Variants in KIRREL3 observed in about 807,000 individuals in gnomAD.
KIRREL3 encodes kin of IRRE-like protein 3.
Under a neutral mutation model 89.7 loss-of-function variants are expected in KIRREL3, and 36 were observed. That is an observed-to-expected ratio of 0.40 (90% CI 0.31 to 0.53). The LOEUF (loss-of-function observed/expected upper bound fraction) is 0.53, where lower values mean the gene tolerates loss of function less well. Among genes scored for constraint, KIRREL3 ranks in the 20% least tolerant of loss-of-function variants. KIRREL3 has a pLI of 0.49. For missense variants in KIRREL3, 864 were observed against 1,056.6 expected (o/e 0.82, Z 2.53); for synonymous variants, 445 against 441.4 (o/e 1.01, Z -0.10).
At chr11:126,470,381 T>G (rs190657300) in intron 5 of KIRREL3, among the ~76,000 whole-genome samples, 231 of 152,324 alleles carry the variant, frequency 1.5e-3, no homozygotes, top group African/African-American at 5.2e-3. Flanking sequence ...GAGAGGCTTG[T>G]CTTCCAAGAG....
In KIRREL3 at chr11:126,614,838, A is replaced by G. The variant is rs1943277420; in HGVS notation, c.56-51926T>C. The stretch of plus-strand genomic sequence containing the variant: ...ATCAGGTCTGGGTTGGGGCAGGTAA[A>G]TCTTCCTTTCTTTGTGGGCTCATGG... On this transcript the variant is annotated intron_variant, in intron 1 of 16. Coordinates refer to ENST00000525144, the MANE Select transcript of KIRREL3 (RefSeq NM_032531.4). This position sits in a 1 kb window ranked among gnomAD's most constrained non-coding sequence, Gnocchi z 4.6. 6.6e-6 allele frequency among the ~76,000 whole-genome samples: 1 copy of G among 152,092 alleles called. No individual in the cohort carries two copies. Among genetic ancestry groups the G allele is most frequent in the Admixed American group, 6.6e-5 (1 of 15,266 alleles).
Position 126,808,449 on chromosome 11 carries a change from C to T in KIRREL3, c.55+192006G>A, listed in dbSNP as rs1201198897. On this transcript the variant is annotated intron_variant, in intron 1 of 16. Coordinates refer to ENST00000525144, the MANE Select transcript of KIRREL3 (RefSeq NM_032531.4). This position sits in a 1 kb window ranked among gnomAD's most constrained non-coding sequence, Gnocchi z 4.1. ...TAAGATGTAGAGCAGTTATTAAGGC[C>T]TTAAGATAAAGGCAGTTTTTCATGG... Among the ~76,000 whole-genome samples, 2 of 152,164 alleles carry T rather than the reference C, an allele frequency of 1.3e-5. No individual in the cohort carries two copies. The highest frequency in any genetic ancestry group is 6.5e-5 in the Admixed American group (1 of 15,284).
In KIRREL3 at chr11:126,635,763, G is replaced by T. The variant is rs637470; in HGVS notation, c.56-72851C>A. Among the ~76,000 whole-genome samples the T allele has an allele frequency of 2.0e-5, 3 of 152,192 alleles. No individual in the cohort carries two copies. The highest frequency in any genetic ancestry group is 4.4e-5 in the Non-Finnish European group (3 of 68,032). On this transcript the variant is annotated intron_variant, in intron 1 of 16. Coordinates refer to ENST00000525144, the MANE Select transcript of KIRREL3 (RefSeq NM_032531.4). The surrounding 1 kb of genome is among the most constrained non-coding windows in gnomAD (Gnocchi z 4.0). ...GGAATACCTGTTCTACTGATCTGAA[G>T]AATTGTTGTGGTAATCTGAAGAGGC...
Position 126,492,141 on chromosome 11 carries a change from G to A in KIRREL3, c.434-18675C>T, listed in dbSNP as rs944843226. 6.6e-6 allele frequency among the ~76,000 whole-genome samples: 1 copy of A among 152,192 alleles called. No individual in the cohort carries two copies. Among genetic ancestry groups the A allele is most frequent in the Non-Finnish European group, 1.5e-5 (1 of 68,040 alleles). ...ATGGACAAAAGGATAAGTTGCAGAG[G>A]GCCACCGAGGAACTGGGAGGATGAT... is the stretch of plus-strand genomic sequence containing the variant. On this transcript the variant is annotated intron_variant, in intron 4 of 16. Coordinates refer to ENST00000525144, the MANE Select transcript of KIRREL3 (RefSeq NM_032531.4). This position sits in a 1 kb window ranked among gnomAD's most constrained non-coding sequence, Gnocchi z 4.8.
intron 8 of KIRREL3, among the ~76,000 whole-genome samples, chr11:126,447,707 C>T (rs762818497): frequency 6.6e-6 from 1 of 152,174 alleles, no homozygotes; most frequent in Non-Finnish European, 1.5e-5. Context: ...AGGGTCCGAC[C>T]GTGGCCAGGC....
intron 1 of KIRREL3, among the ~76,000 whole-genome samples, chr11:126,583,860 G>A (rs1053654413): frequency 6.6e-6 from 1 of 152,200 alleles, no homozygotes; most frequent in Non-Finnish European, 1.5e-5. Flanking sequence ...AGGCAGCCAG[G>A]TAGGGAGGCT....
rs1036984258 is a variant in KIRREL3 at position 126,537,201 on chromosome 11, T to A, written c.134-10514A>T. 2.0e-5 allele frequency among the ~76,000 whole-genome samples: 3 copies of A among 152,108 alleles called. No homozygotes were observed. Among genetic ancestry groups the A allele is most frequent in the Admixed American group, 2.0e-4 (3 of 15,282 alleles). On this transcript the variant is annotated intron_variant, in intron 2 of 16. Coordinates refer to ENST00000525144, the MANE Select transcript of KIRREL3 (RefSeq NM_032531.4). The surrounding 1 kb of genome is among the most constrained non-coding windows in gnomAD (Gnocchi z 4.3). ...TTCTAAGGAGCCTGGTGCTGACACA[T>A]GCACACACCCGCCTGCATGCCTGTG...
rs879206428 is a variant in KIRREL3, at chr11:126,958,042, C to T, written c.55+42413G>A. Reference sequence around the variant, plus strand: ...AAAGCCTTACAGATTCTGATGAGGTCAGGTGGATCGAAATTGTAGCTTTGT... The same window carrying T: ...AAAGCCTTACAGATTCTGATGAGGTTAGGTGGATCGAAATTGTAGCTTTGT... On this transcript the variant is annotated intron_variant, in intron 1 of 16. Transcript: ENST00000525144. 5.9e-5 allele frequency among the ~76,000 whole-genome samples: 9 copies of T among 152,142 alleles called. 1 individual carries two copies. The highest frequency in any genetic ancestry group is 5.9e-4 in the Admixed American group (9 of 15,274).
At chr11:126,889,183 C>T (rs570177047) in intron 1 of KIRREL3, among the ~76,000 whole-genome samples, 1 of 151,946 alleles carries the variant, frequency 6.6e-6, no homozygotes, top group African/African-American at 2.4e-5. Flanking sequence ...CCAAAGTTTT[C>T]TCTTCCCCTT....
chr11:126,526,077 A>G lies in KIRREL3; in HGVS notation c.283+461T>C, dbSNP rs949550286. On this transcript the variant is annotated intron_variant, in intron 3 of 16. Transcript: ENST00000525144. This position sits in a 1 kb window ranked among gnomAD's most constrained non-coding sequence, Gnocchi z 5.7. ...CATCTCATGATGGCTCCTAAGATCAACTAGGTGTCTTTGTGAGTTTTCAGT... is the reference window on the plus strand; with the variant it reads ...CATCTCATGATGGCTCCTAAGATCAGCTAGGTGTCTTTGTGAGTTTTCAGT... 6.6e-6 allele frequency among the ~76,000 whole-genome samples: 1 copy of G among 152,202 alleles called. No homozygotes were observed. The highest frequency in any genetic ancestry group is 2.4e-5 in the African/African-American group (1 of 41,454).
intron 1 of KIRREL3, among the ~76,000 whole-genome samples, chr11:126,757,757 T>C (rs560453215): frequency 8.5e-5 from 13 of 152,106 alleles, no homozygotes; most frequent in Non-Finnish European, 1.9e-4. Flanking sequence ...AAGAGTCTAC[T>C]GTTCTTTTAA....
chr11:126,832,145 C>T (rs1943628831), intron 1 of KIRREL3, among the ~76,000 whole-genome samples: 4 of 151,980 alleles, frequency 2.6e-5, no homozygotes, highest in African/African-American at 7.3e-5. Flanking sequence ...AGAGGGAGTC[C>T]AAATGGGACA....
At chr11:126,583,905 G>C (rs755575852) in intron 1 of KIRREL3, among the ~76,000 whole-genome samples, 17 of 152,196 alleles carry the variant, frequency 1.1e-4, no homozygotes, top group Non-Finnish European at 2.1e-4. Flanking sequence ...GCTGCTGGTG[G>C]CTGCAGGCTT....
Position 126,801,677 on chromosome 11 carries a change from G to A in KIRREL3, c.55+198778C>T, listed in dbSNP as rs537021181. On this transcript the variant is annotated intron_variant, in intron 1 of 16. Coordinates refer to ENST00000525144, the MANE Select transcript of KIRREL3 (RefSeq NM_032531.4). ...ATTTCTTCGTCTGTGAGATGGAACT[G>A]TTACACCTACCCTAGAAAGTGGGAA... is the stretch of plus-strand genomic sequence containing the variant. Among the ~76,000 whole-genome samples the A allele has an allele frequency of 1.9e-3, 289 of 152,306 alleles. 2 individuals carry two copies. The highest frequency in any genetic ancestry group is 6.5e-3 in the African/African-American group (272 of 41,584).
chr11:126,923,178 C>CTTCTTCTTCTT (rs1947461304), intron 1 of KIRREL3, among the ~76,000 whole-genome samples: 2 of 21,388 alleles, frequency 9.4e-5, no homozygotes, highest in Non-Finnish European at 1.7e-4. Flanking sequence ...TTCTTCTTCT[C>CTTCTTCTTCTT]TTCTTCTTCT....
At chr11:126,864,972 T>C (rs1944870324) in intron 1 of KIRREL3, among the ~76,000 whole-genome samples, 1 of 152,270 alleles carries the variant, frequency 6.6e-6, no homozygotes, top group East Asian at 1.9e-4. Flanking sequence ...CATGGCCGGA[T>C]CAAAGAGCTC....
At chr11:126,743,587 T>A (rs539532826) in intron 1 of KIRREL3, among the ~76,000 whole-genome samples, 2 of 152,364 alleles carry the variant, frequency 1.3e-5, no homozygotes, top group East Asian at 3.9e-4. Context: ...GTTGGACGAA[T>A]GGCAGTGTAA....
chr11:126,425,625 G>A lies in KIRREL3; in HGVS notation c.1893+13C>T. On this transcript the variant is annotated intron_variant, in intron 16 of 16. Coordinates refer to ENST00000525144, the MANE Select transcript of KIRREL3 (RefSeq NM_032531.4). ...TTCCATGGCTGTGTCTTATAACCCG[G>A]GGCCCTTCTTACCTTCAGGTTCTGA... The A allele has an allele frequency of 3.2e-6, 5 of 1,566,892 alleles. No individual in the cohort carries two copies. The highest frequency in any genetic ancestry group is 1.9e-5 in the Admixed American group (1 of 53,850).
chr11:126,469,570 T>G (rs1956826098), intron 5 of KIRREL3, among the ~76,000 whole-genome samples: 1 of 152,262 alleles, frequency 6.6e-6, no homozygotes, highest in Non-Finnish European at 1.5e-5. Context: ...ATCACAGGCT[T>G]GTAGCTTCTC....
Sources: allele counts gnomAD v4.1 joint callset (sites outside exome capture counted in the v4.1 genomes callset), GRCh38; gene constraint gnomAD v4.1.1; non-coding constraint Gnocchi (gnomAD v3.1); transcripts MANE v1.5; gene names NCBI Gene and HGNC (gene_info 2026-07-23, HGNC 2026-07-21).